The following AHCYL2 variants were observed in gnomAD, a reference collection of about 807,000 sequenced individuals.
AHCYL2 encodes the protein adenosylhomocysteinase like 2, also known as S-adenosylhomocysteine hydrolase-like protein 2.
In AHCYL2, 28 loss-of-function variants were observed where a neutral mutation model predicts 81.4. The ratio of observed to expected loss-of-function variants is 0.34; its 90% confidence interval spans 0.25 to 0.47. The LOEUF is 0.47. Ranked by LOEUF, AHCYL2 falls within the 20% of genes least tolerant of loss-of-function variation. The pLI, the probability that AHCYL2 is intolerant of heterozygous loss-of-function variation, is 1.00. For synonymous variants in AHCYL2, 272 were observed against 290.2 expected, an observed-to-expected ratio of 0.94 and a Z score of 0.64; for missense variants, 551 against 785.1, an observed-to-expected ratio of 0.70 and a Z score of 3.56.
chr7:129,255,292 T>A (rs905894742), intron 1 of AHCYL2, among the ~76,000 whole-genome samples: 4 of 151,926 alleles, frequency 2.6e-5, no homozygotes, highest in Admixed American at 6.6e-5. Flanking sequence ...AAGAAACAAG[T>A]GAAATTGATT....
intron 1 of AHCYL2, among the ~76,000 whole-genome samples, chr7:129,337,943 C>T (rs1279292684): frequency 6.6e-6 from 1 of 151,922 alleles, no homozygotes; most frequent in Non-Finnish European, 1.5e-5. Flanking sequence ...GGGGTTTCTC[C>T]ATGTTGGTCA....
At chr7:129,373,599 C>CA (rs113448711) in intron 1 of AHCYL2, among the ~76,000 whole-genome samples, 5,229 of 138,654 alleles carry the variant, frequency 0.038, 99 homozygotes, top group African/African-American at 0.048. Flanking sequence ...GACTCAGTCT[C>CA]AAAAAAAAAA....
chr7:129,403,860 C>CAAAAAAAAAAAAAAAAA (rs34806455), intron 7 of AHCYL2, among the ~76,000 whole-genome samples: 2 of 80,198 alleles, frequency 2.5e-5, no homozygotes, highest in Admixed American at 1.5e-4. Flanking sequence ...GACTCCATCT[C>CAAAAAAAAAAAAAAAAA]AAAAAAAAAA....
At chr7:129,264,304 G>A (rs777692763) in intron 1 of AHCYL2, among the ~76,000 whole-genome samples, 7 of 152,262 alleles carry the variant, frequency 4.6e-5, no homozygotes, top group Non-Finnish European at 8.8e-5. Flanking sequence ...ACAGGCGTGA[G>A]CCACTGCGCC....
At chr7:129,372,266 AT>A (rs1395331701) in intron 1 of AHCYL2, among the ~76,000 whole-genome samples, 3 of 152,298 alleles carry the variant, frequency 2.0e-5, no homozygotes, top group East Asian at 3.9e-4. Context: ...GATTATCCCT[AT>A]TTTAGAAATG....
intron 1 of AHCYL2, among the ~76,000 whole-genome samples, chr7:129,278,408 T>C (rs921307956): frequency 6.6e-6 from 1 of 152,132 alleles, no homozygotes; most frequent in African/African-American, 2.4e-5. Context: ...TTGGGTTGTT[T>C]ATTTTCTAAT....
At chr7:129,271,844 A>G (rs565352915) in intron 1 of AHCYL2, among the ~76,000 whole-genome samples, 28 of 152,340 alleles carry the variant, frequency 1.8e-4, no homozygotes, top group African/African-American at 6.3e-4. Flanking sequence ...ACATAAATGA[A>G]TTACACTTAT....
At chr7:129,309,644 C>T (rs1350871913) in intron 1 of AHCYL2, among the ~76,000 whole-genome samples, 1 of 152,190 alleles carries the variant, frequency 6.6e-6, no homozygotes, top group African/African-American at 2.4e-5. Flanking sequence ...TGTCCGCTGC[C>T]AGCCCCCGCA....
chr7:129,249,704 C>T (rs1296014746), intron 1 of AHCYL2, among the ~76,000 whole-genome samples: 4 of 152,198 alleles, frequency 2.6e-5, no homozygotes, highest in African/African-American at 7.2e-5. Flanking sequence ...GGATTACAGG[C>T]GTGAGCCACC....
intron 1 of AHCYL2, among the ~76,000 whole-genome samples, chr7:129,332,279 G>A (rs1434442419): frequency 6.6e-6 from 1 of 152,086 alleles, no homozygotes; most frequent in Non-Finnish European, 1.5e-5. Context: ...TCATTTCATA[G>A]CAGAAGGGTG....
intron 1 of AHCYL2, among the ~76,000 whole-genome samples, chr7:129,278,207 TAA>T (rs1367770033): frequency 6.6e-6 from 1 of 152,178 alleles, no homozygotes; most frequent in African/African-American, 2.4e-5. Context: ...TCTCTTGTGG[TAA>T]AGTGTCTATT....
chr7:129,402,201 CT>C (rs1304843920), intron 6 of AHCYL2, among the ~76,000 whole-genome samples: 3 of 152,052 alleles, frequency 2.0e-5, no homozygotes, highest in African/African-American at 7.2e-5. Flanking sequence ...TTTTTGCTTT[CT>C]TGGGGCATCT....
intron 1 of AHCYL2, among the ~76,000 whole-genome samples, chr7:129,280,319 A>G (rs1009969198): frequency 3.3e-5 from 5 of 151,362 alleles, no homozygotes; most frequent in Non-Finnish European, 5.9e-5. Flanking sequence ...GCAGGCGCCC[A>G]CCACCATGTC....
rs149485725 is a variant in AHCYL2 at position 129,361,106 on chromosome 7, C to T, written c.364-18532C>T. Among the ~76,000 whole-genome samples, 900 of 152,282 alleles carry T rather than the reference C, an allele frequency of 5.9e-3. 6 individuals carry two copies. Among genetic ancestry groups the T allele is most frequent in the Admixed American group, 9.7e-3 (149 of 15,292 alleles). ...GCATTTTATTTTAACAAGATCTTCACATGATTTATATGCACATTCAAGTTT... is the reference window on the plus strand; with the variant it reads ...GCATTTTATTTTAACAAGATCTTCATATGATTTATATGCACATTCAAGTTT... On this transcript the variant is annotated intron_variant, in intron 1 of 16. Coordinates refer to ENST00000325006, the MANE Select transcript of AHCYL2 (RefSeq NM_015328.4).
At chr7:129,341,948 G>A (rs1793200449) in intron 1 of AHCYL2, among the ~76,000 whole-genome samples, 2 of 152,154 alleles carry the variant, frequency 1.3e-5, no homozygotes, top group Non-Finnish European at 1.5e-5. Flanking sequence ...TCTGTTAAGT[G>A]GTACAGGCAG....
chr7:129,256,110 C>G (rs180964645), intron 1 of AHCYL2, among the ~76,000 whole-genome samples: 82 of 152,300 alleles, frequency 5.4e-4, no homozygotes, highest in African/African-American at 1.9e-3. Flanking sequence ...TACCCTTCAA[C>G]TACTTTATTT....
intron 2 of AHCYL2, among the ~76,000 whole-genome samples, chr7:129,386,017 C>T (rs1795183840): frequency 6.6e-6 from 1 of 152,130 alleles, no homozygotes; most frequent in Non-Finnish European, 1.5e-5. Context: ...ATAATTCATT[C>T]ATTTATAATT....
Position 129,225,180 on chromosome 7 carries a change from C to T in AHCYL2, c.104C>T (p.Thr35Met). The T allele has an allele frequency of 6.3e-7, 1 of 1,578,342 alleles. No homozygotes were observed. The highest frequency in any genetic ancestry group is 1.1e-5 in the South Asian group (1 of 87,590). Reference sequence around the variant, plus strand: ...GCGGAGTCGCAACTAGGACTGAGCACGGCCGCCGTGGGCGCCATGGCCCCC... The same window carrying T: ...GCGGAGTCGCAACTAGGACTGAGCATGGCCGCCGTGGGCGCCATGGCCCCC... ...SEAESQLGLS[T>M]AAVGAMAPPA... is the part of the protein sequence containing the mutation. The change falls in exon 1 of 17, where the codon ACG becomes ATG. Residue 35 changes from threonine (T) to methionine (M), a missense_variant. Coordinates refer to ENST00000325006, the MANE Select transcript of AHCYL2 (RefSeq NM_015328.4).
At chr7:129,330,574 C>T in intron 1 of AHCYL2, among the ~76,000 whole-genome samples, 1 of 151,368 alleles carries the variant, frequency 6.6e-6, no homozygotes, top group Non-Finnish European at 1.5e-5. Flanking sequence ...GGGTTCACGC[C>T]ATTCTCCTGT....
Sources: allele counts gnomAD v4.1 joint callset (sites outside exome capture counted in the v4.1 genomes callset), GRCh38; gene constraint gnomAD v4.1.1; transcripts MANE v1.5; gene names NCBI Gene and HGNC (gene_info 2026-07-23, HGNC 2026-07-21).